Variants in PRDM16 observed in about 807,000 individuals in gnomAD.
The protein encoded by PRDM16 is histone-lysine N-methyltransferase PRDM16.
In PRDM16, 23 loss-of-function variants were observed where a neutral mutation model predicts 110.6. The ratio of observed to expected loss-of-function variants is 0.21; its 90% CI spans 0.15 to 0.29. The LOEUF is 0.29. Among genes scored for constraint, PRDM16 ranks in the 10% least tolerant of loss-of-function variants. The pLI is 1.00. For synonymous variants in PRDM16, 799 were observed against 781.8 expected, an observed-to-expected ratio of 1.02 and a Z score of -0.37; for missense variants, 1,615 against 1,794.3, an observed-to-expected ratio of 0.90 and a Z score of 1.81.
chr1:3,196,303 G>C (rs564659872), intron 2 of PRDM16, among the ~76,000 whole-genome samples: 16 of 152,252 alleles, frequency 1.1e-4, no homozygotes, highest in Admixed American at 2.6e-4. Context: ...TCTGTCCTCT[G>C]CAGGTCCCTG....
rs1401209334 is a variant in PRDM16, at chr1:3,401,745, A to G, written c.677-1046A>G. Among the ~76,000 whole-genome samples the G allele has an allele frequency of 3.3e-5, 5 of 152,282 alleles. 1 individual carries two copies. In the South Asian group the frequency reaches 1.0e-3, roughly 31 times the overall value. On this transcript the variant is annotated intron_variant, in intron 5 of 16. Transcript: ENST00000270722. ...ACGTATGCATACATAACACAAATGC[A>G]CACACATGCAGACAGAAACACGTGC...
chr1:3,418,770 G>A lies in PRDM16; in HGVS notation c.2939+26G>A, dbSNP rs749525413. The A allele has an allele frequency of 8.8e-6, 14 of 1,588,534 alleles. No homozygotes were observed. The Admixed American group carries it at 2.2e-4, about 25-fold the overall frequency. ...GTAGGTGCTGCGTGGGCTGGGTGTG[G>A]GGGCGGGGCCGCCTGCCTCCGTGCA... is the stretch of plus-strand genomic sequence containing the variant. On this transcript the variant is annotated intron_variant, in intron 12 of 16. Coordinates refer to ENST00000270722, the MANE Select transcript of PRDM16 (RefSeq NM_022114.4).
chr1:3,366,180 G>A (rs757776415), intron 3 of PRDM16, among the ~76,000 whole-genome samples: 2 of 152,254 alleles, frequency 1.3e-5, no homozygotes, highest in African/African-American at 2.4e-5. Context: ...CACAGGCTTC[G>A]CACAGCTTGG....
At chr1:3,383,777 G>T (rs1330843071) in intron 3 of PRDM16, among the ~76,000 whole-genome samples, 1 of 152,096 alleles carries the variant, frequency 6.6e-6, no homozygotes, top group African/African-American at 2.4e-5. Flanking sequence ...ACTCCCCTGG[G>T]TCCTTGTGAC....
chr1:3,384,850 G>A (rs2100605480), intron 3 of PRDM16, among the ~76,000 whole-genome samples: 1 of 152,310 alleles, frequency 6.6e-6, no homozygotes, highest in East Asian at 1.9e-4. Context: ...TGCGGGGGTG[G>A]GGGTTGCAAC....
At chr1:3,194,119 G>A (rs1191491801) in intron 2 of PRDM16, among the ~76,000 whole-genome samples, 1 of 152,226 alleles carries the variant, frequency 6.6e-6, no homozygotes, top group African/African-American at 2.4e-5. Flanking sequence ...CAGACCGCCG[G>A]GCAAGGGACA....
intron 1 of PRDM16, among the ~76,000 whole-genome samples, chr1:3,137,654 C>T (rs1289504582): frequency 6.6e-6 from 1 of 152,222 alleles, no homozygotes; most frequent in Non-Finnish European, 1.5e-5. Flanking sequence ...TCCTTCTCTG[C>T]GGCAAACCCC....
At chr1:3,269,763 A>T (rs1414510569) in intron 3 of PRDM16, among the ~76,000 whole-genome samples, 2 of 149,854 alleles carry the variant, frequency 1.3e-5, no homozygotes, top group African/African-American at 2.4e-5. Flanking sequence ...ATAGTCCTGG[A>T]GGAGGACAGT....
intron 3 of PRDM16, among the ~76,000 whole-genome samples, chr1:3,321,910 G>A (rs965617642): frequency 6.6e-6 from 1 of 151,806 alleles, no homozygotes; most frequent in Non-Finnish European, 1.5e-5. Flanking sequence ...GTAGGAGCAC[G>A]TGTGTAAAGG....
intron 12 of PRDM16, 123 bp downstream of exon 12, chr1:3,418,867 G>A (rs1012964811): frequency 2.7e-6 from 2 of 746,230 alleles, no homozygotes; most frequent in Non-Finnish European, 4.7e-6. Flanking sequence ...GCAGTGGGCA[G>A]GGCCGGGTGC....
intron 3 of PRDM16, among the ~76,000 whole-genome samples, chr1:3,266,405 C>G (rs941929130): frequency 3.3e-5 from 5 of 152,214 alleles, no homozygotes; most frequent in African/African-American, 1.2e-4. Context: ...GCCCCTCGCA[C>G]TTACCTCAGT....
At chr1:3,230,498 T>G (rs1276053149) in intron 2 of PRDM16, among the ~76,000 whole-genome samples, 1 of 152,228 alleles carries the variant, frequency 6.6e-6, no homozygotes, top group African/African-American at 2.4e-5. Context: ...GGATGGAAAT[T>G]GACATTCTGA....
chr1:3,279,279 C>T (rs1047350378), intron 3 of PRDM16, among the ~76,000 whole-genome samples: 4 of 152,348 alleles, frequency 2.6e-5, no homozygotes, highest in East Asian at 1.9e-4. Flanking sequence ...TCCCTGGGTC[C>T]GGCACAGCCT....
chr1:3,254,004 C>G (rs56015432), intron 3 of PRDM16, among the ~76,000 whole-genome samples: 11,738 of 152,146 alleles, frequency 0.077, 529 homozygotes, highest in African/African-American at 0.1. Context: ...GCATAAATGT[C>G]TTCTTTTGAG....
At chr1:3,394,456 G>T (rs1361642196) in intron 4 of PRDM16, 1 of 439,124 alleles carries the variant, frequency 2.3e-6, no homozygotes, top group South Asian at 1.6e-5. Flanking sequence ...GAGGTCTCAC[G>T]TCAGGACCCT....
Position 3,202,910 on chromosome 1 carries a change from C to G in PRDM16, c.387+16436C>G, listed in dbSNP as rs570322918. Among the ~76,000 whole-genome samples the G allele has an allele frequency of 2.0e-5, 3 of 152,254 alleles. No homozygotes were observed. In the East Asian group the frequency reaches 5.8e-4, roughly 29 times the overall value. On this transcript the variant is annotated intron_variant, in intron 2 of 16. Transcript: ENST00000270722. ...CCTGTGGTCTGAGTACTCTGATAGC[C>G]AAGAGGTGCAGAGACGAAGAACGTG...
Position 3,081,136 on chromosome 1 carries a change from C to T in PRDM16, c.37+11840C>T, listed in dbSNP as rs922592787. Among the ~76,000 whole-genome samples the T allele has an allele frequency of 6.6e-5, 10 of 152,212 alleles. No homozygotes were observed. The highest frequency in any genetic ancestry group is 2.2e-4 in the African/African-American group (9 of 41,450). On this transcript the variant is annotated intron_variant, in intron 1 of 16. Transcript: ENST00000270722. The surrounding 1 kb of genome is among the most constrained non-coding windows in gnomAD (Gnocchi z 4.6). ...GGCCCCGGAGTCTTAACTTTCCCTCCGTCGAAGGTGTTAGTCTTACCTTCC... is the reference window on the plus strand; with the variant it reads ...GGCCCCGGAGTCTTAACTTTCCCTCTGTCGAAGGTGTTAGTCTTACCTTCC...
At chr1:3,380,323 A>C (rs1161309298) in intron 3 of PRDM16, among the ~76,000 whole-genome samples, 1 of 151,964 alleles carries the variant, frequency 6.6e-6, no homozygotes, top group African/African-American at 2.4e-5. Context: ...CAGGGGGCCC[A>C]CCAGGCAGAG....
At chr1:3,424,325 A>C (rs1207390225) in intron 12 of PRDM16, among the ~76,000 whole-genome samples, 1 of 152,230 alleles carries the variant, frequency 6.6e-6, no homozygotes, top group Non-Finnish European at 1.5e-5. Context: ...CCCTGCCTGC[A>C]GGGTCACCAC....
Sources: allele counts gnomAD v4.1 joint callset (sites outside exome capture counted in the v4.1 genomes callset), GRCh38; gene constraint gnomAD v4.1.1; non-coding constraint Gnocchi (gnomAD v3.1); transcripts MANE v1.5; gene names NCBI Gene and HGNC (gene_info 2026-07-23, HGNC 2026-07-21).